The following LRRC4C variants were observed in gnomAD, a reference collection of about 807,000 sequenced individuals.
LRRC4C encodes leucine-rich repeat-containing protein 4C.
LRRC4C carries 5 observed loss-of-function variants against 33.6 expected under a neutral mutation model. The observed-to-expected ratio is 0.15, with a 90% CI of 0.08 to 0.31. The LOEUF (loss-of-function observed/expected upper bound fraction) is 0.31, where lower values mean the gene tolerates loss of function less well. LRRC4C is among the 10% of genes least tolerant of loss of function. The pLI, the probability that LRRC4C is intolerant of heterozygous loss-of-function variation, is 1.00. For missense variants in LRRC4C, 560 were observed against 796.7 expected, an observed-to-expected ratio of 0.70 and a Z score of 3.58; for synonymous variants, 329 against 302.0, an observed-to-expected ratio of 1.09 and a Z score of -0.93.
chr11:40,377,111 T>C lies in LRRC4C; in HGVS notation c.-269-57390A>G, dbSNP rs572185098. 4.6e-5 allele frequency among the ~76,000 whole-genome samples: 7 copies of C among 152,246 alleles called. No homozygotes were observed. In the East Asian group the frequency reaches 1.4e-3, roughly 29 times the overall value. On this transcript the variant is annotated intron_variant, in intron 3 of 6. Coordinates refer to ENST00000528697, the MANE Select transcript of LRRC4C (RefSeq NM_001258419.2). ...AGAAGCTAATGAGAAGACACAAGAA[T>C]GAGAAATAAAAGAGGCTACTCAACT... is the stretch of plus-strand genomic sequence containing the variant.
chr11:40,640,218 T>A (rs1942025723), intron 3 of LRRC4C, among the ~76,000 whole-genome samples: 1 of 152,204 alleles, frequency 6.6e-6, no homozygotes, highest in Non-Finnish European at 1.5e-5. Context: ...TTTTATTAGC[T>A]TTTATATTTC....
At chr11:41,064,590 T>C (rs1938067477) in intron 1 of LRRC4C, among the ~76,000 whole-genome samples, 1 of 152,146 alleles carries the variant, frequency 6.6e-6, no homozygotes, top group African/African-American at 2.4e-5. Context: ...TGGCTCTGTG[T>C]CCCCAGCCAA....
In LRRC4C at chr11:40,547,778, A is replaced by C. The variant is rs72885168; in HGVS notation, c.-270+100364T>G. On this transcript the variant is annotated intron_variant, in intron 3 of 6. Transcript: ENST00000528697. ...TGCTCTCACCTACTGAGATACGAAG[A>C]GGGAATATTATCTAAATCAAAATTT... is the stretch of plus-strand genomic sequence containing the variant. Among the ~76,000 whole-genome samples, 543 of 152,228 alleles carry C rather than the reference A, an allele frequency of 3.6e-3. 2 individuals carry two copies. Among genetic ancestry groups the C allele is most frequent in the Non-Finnish European group, 6.0e-3 (405 of 67,998 alleles).
chr11:41,321,656 T>TA (rs1950963203), intron 1 of LRRC4C, among the ~76,000 whole-genome samples: 1 of 152,156 alleles, frequency 6.6e-6, no homozygotes. Context: ...CCAGGGTAGA[T>TA]ACCACTATTA....
At chr11:40,931,175 A>G (rs1165773328) in intron 2 of LRRC4C, among the ~76,000 whole-genome samples, 1 of 152,200 alleles carries the variant, frequency 6.6e-6, no homozygotes, top group Middle Eastern at 3.2e-3. Context: ...CAAACAAACA[A>G]GAATCCAATT....
chr11:41,118,870 C>G (rs566779166), intron 1 of LRRC4C, among the ~76,000 whole-genome samples: 2 of 151,580 alleles, frequency 1.3e-5, no homozygotes, highest in Admixed American at 6.6e-5. Flanking sequence ...CATAGAGTGT[C>G]CTATTTATGA....
intron 1 of LRRC4C, among the ~76,000 whole-genome samples, chr11:41,347,345 G>A (rs570479903): frequency 3.3e-5 from 5 of 152,256 alleles, no homozygotes; most frequent in African/African-American, 9.6e-5. Context: ...AGGCATTTAA[G>A]GAGAGCTTTA....
intron 1 of LRRC4C, among the ~76,000 whole-genome samples, chr11:40,972,834 C>G (rs554952318): frequency 6.6e-6 from 1 of 152,052 alleles, no homozygotes; most frequent in Non-Finnish European, 1.5e-5. Flanking sequence ...GGTGGGGACA[C>G]AGAGCCAGAC....
At chr11:41,034,100 T>A (rs1298717671) in intron 1 of LRRC4C, among the ~76,000 whole-genome samples, 1 of 152,094 alleles carries the variant, frequency 6.6e-6, no homozygotes, top group African/African-American at 2.4e-5. Flanking sequence ...GTCCTCCAAA[T>A]GTTTATGTGT....
At chr11:40,585,619 C>A in intron 3 of LRRC4C, among the ~76,000 whole-genome samples, 1 of 106,586 alleles carries the variant, frequency 9.4e-6, no homozygotes. Flanking sequence ...GTATCCCTCC[C>A]CCCTCCCCCC....
chr11:40,590,087 C>T (rs947893764), intron 3 of LRRC4C, among the ~76,000 whole-genome samples: 30 of 151,524 alleles, frequency 2.0e-4, no homozygotes, highest in African/African-American at 7.2e-4. Flanking sequence ...CAACTTGGTT[C>T]CATTCTCCCC....
At chr11:40,745,153 C>T (rs572788602) in intron 2 of LRRC4C, among the ~76,000 whole-genome samples, 7 of 152,238 alleles carry the variant, frequency 4.6e-5, no homozygotes, top group Admixed American at 1.3e-4. Flanking sequence ...AATGGCGATA[C>T]GCAGAAAGCA....
intron 3 of LRRC4C, among the ~76,000 whole-genome samples, chr11:40,497,642 GA>G (rs1954535347): frequency 6.6e-6 from 1 of 152,158 alleles, no homozygotes; most frequent in Non-Finnish European, 1.5e-5. Context: ...TTTCTGGTTG[GA>G]AAGAAAGGCC....
chr11:40,932,446 G>T (rs1248106727), intron 2 of LRRC4C, among the ~76,000 whole-genome samples: 1 of 152,092 alleles, frequency 6.6e-6, no homozygotes, highest in Non-Finnish European at 1.5e-5. Context: ...GAAATGATGG[G>T]GAATAGTTTT....
At chr11:40,866,002 T>C (rs773190809) in intron 2 of LRRC4C, among the ~76,000 whole-genome samples, 4 of 151,904 alleles carry the variant, frequency 2.6e-5, no homozygotes, top group Non-Finnish European at 5.9e-5. Context: ...AAATTGTCTA[T>C]ATGAGGTTGT....
intron 2 of LRRC4C, among the ~76,000 whole-genome samples, chr11:40,654,538 T>C (rs1339824818): frequency 1.5e-4 from 23 of 152,178 alleles, no homozygotes. Flanking sequence ...CCATTTTGAA[T>C]GGGTGTATTT....
rs143601880 is a variant in LRRC4C at position 40,896,622 on chromosome 11, C to A, written c.-407+37013G>T. Among the ~76,000 whole-genome samples the A allele has an allele frequency of 4.2e-3, 634 of 150,936 alleles. 10 individuals carry two copies. In the South Asian group the frequency reaches 0.042, roughly 10 times the overall value. ...GGACTCTAAATTATGGTATTTTGTTCTTTCATATGTAGATAAGAGTAAAAT... is the reference window on the plus strand; with the variant it reads ...GGACTCTAAATTATGGTATTTTGTTATTTCATATGTAGATAAGAGTAAAAT... On this transcript the variant is annotated intron_variant, in intron 2 of 6. Transcript: ENST00000528697.
At chr11:40,865,996 T>A (rs1954347291) in intron 2 of LRRC4C, among the ~76,000 whole-genome samples, 1 of 151,980 alleles carries the variant, frequency 6.6e-6, no homozygotes, top group Admixed American at 6.6e-5. Flanking sequence ...TCTATTAAAT[T>A]GTCTATATGA....
At chr11:41,113,221 G>A (rs560532778) in intron 1 of LRRC4C, among the ~76,000 whole-genome samples, 83 of 151,926 alleles carry the variant, frequency 5.5e-4, no homozygotes, top group Non-Finnish European at 9.3e-4. Flanking sequence ...TTGATCCACC[G>A]CTCATCAGCC....
Sources: gnomAD v4.1 joint callset for allele counts (sites outside exome capture counted in the v4.1 genomes callset) on GRCh38, gnomAD v4.1.1 for gene constraint, MANE v1.5 for transcripts, NCBI Gene and HGNC (gene_info 2026-07-23, HGNC 2026-07-21) for gene names.